The following MCMDC2 variants were observed in gnomAD, a reference collection of about 807,000 sequenced individuals.
MCMDC2 encodes minichromosome maintenance domain-containing protein 2.
MCMDC2 carries 54 observed loss-of-function variants against 75.8 expected under a neutral mutation model. That is an observed-to-expected ratio of 0.71 (90% CI 0.57 to 0.89). The LOEUF is 0.89. Ranked by LOEUF, MCMDC2 falls within the 40% of genes least tolerant of loss-of-function variation. The probability of loss-of-function intolerance (pLI) is 0.00; values close to 1 mark genes in which losing one functional copy is unlikely to be tolerated. For missense variants in MCMDC2, 656 were observed against 780.4 expected, an observed-to-expected ratio of 0.84 and a Z score of 1.90; for synonymous variants, 249 against 274.6, an observed-to-expected ratio of 0.91 and a Z score of 0.92.
intron 9 of MCMDC2, among the ~76,000 whole-genome samples, chr8:66,890,099 C>G (rs1277544778): frequency 2.0e-5 from 3 of 152,188 alleles, no homozygotes; most frequent in African/African-American, 4.8e-5. Context: ...CAGAGTCTTG[C>G]TCCGTCACCC....
intron 9 of MCMDC2, among the ~76,000 whole-genome samples, chr8:66,888,890 C>A (rs1413132327): frequency 6.6e-6 from 1 of 152,158 alleles, no homozygotes; most frequent in Non-Finnish European, 1.5e-5. Flanking sequence ...CCCAGAGTTT[C>A]TAATTTAAGT....
intron 10 of MCMDC2, among the ~76,000 whole-genome samples, chr8:66,894,206 A>G (rs1812239623): frequency 6.6e-6 from 1 of 152,206 alleles, no homozygotes; most frequent in Non-Finnish European, 1.5e-5. Context: ...CACATTTTCA[A>G]CTGAGTAAGA....
intron 1 of MCMDC2, among the ~76,000 whole-genome samples, chr8:66,872,800 A>G (rs1399252843): frequency 6.6e-6 from 1 of 152,100 alleles, no homozygotes; most frequent in Non-Finnish European, 1.5e-5. Flanking sequence ...TCTACTAAAA[A>G]TACAAAAATT....
intron 5 of MCMDC2, among the ~76,000 whole-genome samples, chr8:66,877,792 G>C (rs1811364105): frequency 6.6e-6 from 1 of 151,204 alleles, no homozygotes; most frequent in East Asian, 1.9e-4. Flanking sequence ...TTGGGCCAGG[G>C]AGGTCGGGGC....
Position 66,919,362 on chromosome 8 carries a change from A to C in MCMDC2, c.*193A>C. On this transcript the variant is annotated 3_prime_UTR_variant, in exon 15 of 15. Coordinates refer to ENST00000422365, the MANE Select transcript of MCMDC2 (RefSeq NM_173518.5). Reference sequence around the variant, plus strand: ...GGATAAATACTAATCCAAACCTCTAAAACCAACAGAATTTTAAAACTTAGA... The same window carrying C: ...GGATAAATACTAATCCAAACCTCTACAACCAACAGAATTTTAAAACTTAGA... 1 of 378,140 alleles carries C rather than the reference A, an allele frequency of 2.6e-6. No homozygotes were observed. Among genetic ancestry groups the C allele is most frequent in the Non-Finnish European group, 4.6e-6 (1 of 215,388 alleles). 23.4% of individuals were successfully genotyped at this position (378,140 alleles called of 1,614,324 possible).
chr8:66,907,080 C>A (rs1051942788), intron 14 of MCMDC2, among the ~76,000 whole-genome samples: 1 of 150,778 alleles, frequency 6.6e-6, no homozygotes, highest in African/African-American at 2.4e-5. Context: ...TTTTTTTTTT[C>A]TCTTTAAGTT....
At position 66,890,899 on chromosome 8, in the gene MCMDC2, G is replaced by A. The variant is rs746860215; in HGVS notation, c.1108G>A (p.Gly370Ser). The A allele has an allele frequency of 1.2e-6, 2 of 1,612,304 alleles. No homozygotes were observed. The highest frequency in any genetic ancestry group is 1.7e-6 in the Non-Finnish European group (2 of 1,179,616). ...TTTTAGCATAAACCTTGTCCCCCGTGGTATACGTCATCTAGTCTCTACTGA... is the reference window on the plus strand; with the variant it reads ...TTTTAGCATAAACCTTGTCCCCCGTAGTATACGTCATCTAGTCTCTACTGA... ...LNFSINLVPR[G>S]IRHLVSTEIF... Residue 370 changes from glycine (G) to serine (S), a missense_variant, in exon 10 of 15, where the codon GGT becomes AGT. Coordinates refer to ENST00000422365, the MANE Select transcript of MCMDC2 (RefSeq NM_173518.5).
chr8:66,879,452 G>GCA, intron 7 of MCMDC2, among the ~76,000 whole-genome samples: 1 of 152,084 alleles, frequency 6.6e-6, no homozygotes, highest in African/African-American at 2.4e-5. Flanking sequence ...AATTAGCCAG[G>GCA]TGTGGTGACG....
At chr8:66,890,641 C>T (rs1370794241) in intron 9 of MCMDC2, among the ~76,000 whole-genome samples, 1 of 152,100 alleles carries the variant, frequency 6.6e-6, no homozygotes, top group African/African-American at 2.4e-5. Context: ...GTGTCTCAGC[C>T]TCCTGAGTAG....
intron 10 of MCMDC2, among the ~76,000 whole-genome samples, chr8:66,892,142 T>C (rs1276916463): frequency 6.6e-6 from 1 of 152,164 alleles, no homozygotes; most frequent in Non-Finnish European, 1.5e-5. Flanking sequence ...CCACTTTCTG[T>C]TGTGGGGCAG....
chr8:66,898,694 G>A (rs1316436634), intron 12 of MCMDC2, among the ~76,000 whole-genome samples: 1 of 151,886 alleles, frequency 6.6e-6, no homozygotes, highest in African/African-American at 2.4e-5. Context: ...AAGTGGTGCT[G>A]ACTCAGGTAT....
intron 9 of MCMDC2, among the ~76,000 whole-genome samples, chr8:66,888,952 T>G (rs1255360137): frequency 1.3e-5 from 2 of 152,188 alleles, no homozygotes; most frequent in Non-Finnish European, 2.9e-5. Context: ...CCAGGTAAGG[T>G]TAGTGCAGGC....
Position 66,919,066 on chromosome 8 carries a change from AC to A in MCMDC2, c.1944del (p.Leu649Ter). 1 of 1,550,718 alleles carries A rather than the reference AC, an allele frequency of 6.4e-7. No homozygotes were observed. The highest frequency in any genetic ancestry group is 8.7e-7 in the Non-Finnish European group (1 of 1,146,482). On this transcript the variant is annotated frameshift_variant, in exon 15 of 15. Transcript: ENST00000422365. LOFTEE classifies it high-confidence loss of function. The stretch of plus-strand genomic sequence containing the variant: ...CCATTTGAACTGTATAATGAAGAAT[AC>A]TTAGAGCAAAGGGATCTCTATCTGA... ...VFPFELYNEEYLEQRDLYLTQ... is the reference protein window; with the variant it reads ...VFPFELYNEEXLEQRDLYLTQ...
chr8:66,908,879 C>A (rs1461856746), intron 14 of MCMDC2, among the ~76,000 whole-genome samples: 2 of 152,214 alleles, frequency 1.3e-5, no homozygotes, highest in Non-Finnish European at 2.9e-5. Context: ...TCCCAAAGTG[C>A]TGAGATTGCA....
chr8:66,876,950 A>G (rs968730439), intron 4 of MCMDC2, among the ~76,000 whole-genome samples: 2 of 151,808 alleles, frequency 1.3e-5, no homozygotes, highest in African/African-American at 4.8e-5. Context: ...TTAGTAGAGA[A>G]GGGGTTTCAC....
downstream of MCMDC2, among the ~76,000 whole-genome samples, chr8:66,923,939 C>A (rs370913011): frequency 1.3e-5 from 2 of 151,972 alleles, no homozygotes; most frequent in Admixed American, 1.3e-4. Context: ...CCCCCTCCCC[C>A]ACAAAACCCA....
chr8:66,882,064 A>G (rs2130804351), intron 8 of MCMDC2, among the ~76,000 whole-genome samples: 1 of 152,370 alleles, frequency 6.6e-6, no homozygotes, highest in South Asian at 2.1e-4. Flanking sequence ...ACTTAAGGAC[A>G]GAAGCATGAT....
chr8:66,917,467 A>G (rs1358712445), intron 14 of MCMDC2, among the ~76,000 whole-genome samples: 1 of 152,198 alleles, frequency 6.6e-6, no homozygotes, highest in Non-Finnish European at 1.5e-5. Flanking sequence ...TGTGTTTAGT[A>G]CATTCACATT....
At chr8:66,910,099 T>C (rs966181078) in intron 14 of MCMDC2, among the ~76,000 whole-genome samples, 3 of 152,200 alleles carry the variant, frequency 2.0e-5, no homozygotes, top group African/African-American at 7.2e-5. Context: ...AAGTCAAGAA[T>C]TGAGGTTTAG....
Sources: allele counts gnomAD v4.1 joint callset (sites outside exome capture counted in the v4.1 genomes callset), GRCh38; gene constraint gnomAD v4.1.1; transcripts MANE v1.5; gene names NCBI Gene and HGNC (gene_info 2026-07-23, HGNC 2026-07-21).